The following CACNG4 variants were observed in gnomAD, a reference collection of about 807,000 sequenced individuals.
CACNG4 encodes voltage-dependent calcium channel gamma-4 subunit.
In CACNG4, 8 loss-of-function variants were observed where a neutral mutation model predicts 22.9. The ratio of observed to expected loss-of-function variants is 0.35; its 90% confidence interval spans 0.21 to 0.63. The LOEUF (loss-of-function observed/expected upper bound fraction) is 0.63, where lower values mean the gene tolerates loss of function less well. Ranked by LOEUF, CACNG4 falls within the 30% of genes least tolerant of loss-of-function variation. CACNG4 has a pLI of 0.72. For missense variants in CACNG4, 357 were observed against 455.4 expected, an observed-to-expected ratio of 0.78 and a Z score of 1.97; for synonymous variants, 188 against 191.9, an observed-to-expected ratio of 0.98 and a Z score of 0.17.
In CACNG4 at chr17:67,011,738, T is replaced by C. The variant is rs558472685; in HGVS notation, c.221-6451T>C. On this transcript the variant is annotated intron_variant, in intron 1 of 3. Transcript: ENST00000262138. The stretch of plus-strand genomic sequence containing the variant: ...ACGGTGAAAGTCTGTTGAGAATGAA[T>C]GAGTGATGCATGAGTGAACAGGAAA... 2.6e-5 allele frequency among the ~76,000 whole-genome samples: 4 copies of C among 152,334 alleles called. No homozygotes were observed. In the East Asian group the frequency reaches 7.7e-4, roughly 29 times the overall value.
chr17:67,020,639 G>A (rs1340186736), intron 2 of CACNG4, among the ~76,000 whole-genome samples: 3 of 152,232 alleles, frequency 2.0e-5, no homozygotes, highest in Admixed American at 6.5e-5. Flanking sequence ...CTCTGCATGT[G>A]TCTTTGATCA....
chr17:67,008,396 T>A (rs1161428401), intron 1 of CACNG4, among the ~76,000 whole-genome samples: 1 of 152,092 alleles, frequency 6.6e-6, no homozygotes, highest in African/African-American at 2.4e-5. Flanking sequence ...TCTTTGGCAC[T>A]CGGTGTGGAA....
chr17:67,026,009 C>G (rs762497278), intron 3 of CACNG4, among the ~76,000 whole-genome samples: 64 of 152,242 alleles, frequency 4.2e-4, no homozygotes, highest in Non-Finnish European at 5.7e-4. Flanking sequence ...GTACATGTGT[C>G]AGGAGTGTGG....
chr17:67,031,772 G>A lies in CACNG4; in HGVS notation c.*768G>A, dbSNP rs2035608480. 2.2e-6 allele frequency: 1 copy of A among 456,646 alleles called. No individual in the cohort carries two copies. The highest frequency in any genetic ancestry group is 2.0e-5 in the African/African-American group (1 of 50,090). The allele number at this position is 456,646 out of a possible 1,614,324, so 28.3% of individuals were successfully genotyped here. On this transcript the variant is annotated 3_prime_UTR_variant, in exon 4 of 4. Transcript: ENST00000262138. This position sits in a 1 kb window ranked among gnomAD's most constrained non-coding sequence, Gnocchi z 4.0. ...ACAGACCCACTGACTGGACTTCAGA[G>A]TCTGGAGGGTTCCATCGGTCAGGGG...
chr17:66,997,383 G>A (rs984078268), intron 1 of CACNG4, among the ~76,000 whole-genome samples: 2 of 152,278 alleles, frequency 1.3e-5, no homozygotes, highest in Middle Eastern at 3.4e-3. Flanking sequence ...AAGGCAATGA[G>A]AGTAGATGGA....
At chr17:66,999,152 C>T (rs893030356) in intron 1 of CACNG4, among the ~76,000 whole-genome samples, 1 of 152,146 alleles carries the variant, frequency 6.6e-6, no homozygotes, top group Non-Finnish European at 1.5e-5. Context: ...GAGTGGCTGA[C>T]AATGGCAGCA....
intron 1 of CACNG4, among the ~76,000 whole-genome samples, chr17:66,980,452 C>T (rs528351139): frequency 6.6e-6 from 1 of 152,132 alleles, no homozygotes; most frequent in African/African-American, 2.4e-5. Context: ...TATGTGACTC[C>T]GATGAGGTTT....
At chr17:67,018,474 C>T (rs778773598) in intron 2 of CACNG4, among the ~76,000 whole-genome samples, 79 of 152,248 alleles carry the variant, frequency 5.2e-4, no homozygotes, top group Non-Finnish European at 9.6e-4. Context: ...TATCTCAATG[C>T]GGTTATTTGG....
intron 3 of CACNG4, among the ~76,000 whole-genome samples, chr17:67,026,912 T>G (rs998649319): frequency 2.8e-5 from 4 of 142,670 alleles, no homozygotes; most frequent in African/African-American, 1.0e-4. Flanking sequence ...TTTCTCTCTC[T>G]CCTGCCCCAG....
chr17:66,965,189 T>A (rs56193061), intron 1 of CACNG4, 58 bp downstream of exon 1: 2 of 952,410 alleles, frequency 2.1e-6, no homozygotes, highest in Non-Finnish European at 3.0e-6. Flanking sequence ...CACACACATA[T>A]ACACACGCGC....
intron 2 of CACNG4, among the ~76,000 whole-genome samples, chr17:67,022,653 G>C (rs545226896): frequency 6.6e-6 from 1 of 152,256 alleles, no homozygotes; most frequent in Non-Finnish European, 1.5e-5. Context: ...CCTGAAACCC[G>C]CTCAGCTGGC....
intron 1 of CACNG4, among the ~76,000 whole-genome samples, chr17:67,008,964 AGGCCTTT>A (rs1238529337): frequency 6.6e-6 from 1 of 152,128 alleles, no homozygotes; most frequent in African/African-American, 2.4e-5. Context: ...GAAAAAAATG[AGGCCTTT>A]AGAGTGGGGC....
intron 1 of CACNG4, among the ~76,000 whole-genome samples, chr17:67,012,311 T>C (rs561088784): frequency 1.2e-4 from 18 of 152,332 alleles, no homozygotes; most frequent in East Asian, 3.9e-4. Flanking sequence ...TCTCTAAGCC[T>C]CTTTCTCCAT....
At chr17:67,001,073 T>C (rs561746219) in intron 1 of CACNG4, among the ~76,000 whole-genome samples, 3 of 152,106 alleles carry the variant, frequency 2.0e-5, no homozygotes, top group South Asian at 2.1e-4. Context: ...GGGTTATTCC[T>C]GTTCTGGTCT....
intron 1 of CACNG4, among the ~76,000 whole-genome samples, chr17:66,966,388 G>A (rs1032996764): frequency 1.3e-5 from 2 of 152,056 alleles, no homozygotes; most frequent in Non-Finnish European, 2.9e-5. Context: ...CTTTCCCCGC[G>A]TGTTAACTCC....
rs371559096 is a variant in CACNG4, at chr17:67,023,207, C to T, written c.305-1653C>T. 2.5e-4 allele frequency among the ~76,000 whole-genome samples: 38 copies of T among 151,074 alleles called. No homozygotes were observed. The South Asian group carries it at 4.2e-3, about 17-fold the overall frequency. On this transcript the variant is annotated intron_variant, in intron 2 of 3. Coordinates refer to ENST00000262138, the MANE Select transcript of CACNG4 (RefSeq NM_014405.4). ...GCTCGTCGTTGGATCTAGGGCCCACCGGATTCATCCTGGATGATCTCAGCT... is the reference window on the plus strand; with the variant it reads ...GCTCGTCGTTGGATCTAGGGCCCACTGGATTCATCCTGGATGATCTCAGCT...
At chr17:66,977,846 C>A (rs1373260394) in intron 1 of CACNG4, among the ~76,000 whole-genome samples, 4 of 152,156 alleles carry the variant, frequency 2.6e-5, no homozygotes, top group Non-Finnish European at 4.4e-5. Flanking sequence ...CACAGAAAGC[C>A]CCCAGGGTAT....
At chr17:66,998,413 G>T (rs1182656736) in intron 1 of CACNG4, among the ~76,000 whole-genome samples, 1 of 151,972 alleles carries the variant, frequency 6.6e-6, no homozygotes, top group African/African-American at 2.4e-5. Flanking sequence ...TGTAGAGATG[G>T]GGTCTCACTC....
chr17:66,969,526 C>T (rs902296582), intron 1 of CACNG4, among the ~76,000 whole-genome samples: 1 of 152,062 alleles, frequency 6.6e-6, no homozygotes, highest in Non-Finnish European at 1.5e-5. Context: ...AGTTCTTTGC[C>T]CCAGTCATGT....
Sources: gnomAD v4.1 joint callset for allele counts (sites outside exome capture counted in the v4.1 genomes callset) on GRCh38, gnomAD v4.1.1 for gene constraint, Gnocchi (gnomAD v3.1) non-coding constraint, MANE v1.5 for transcripts, NCBI Gene and HGNC (gene_info 2026-07-23, HGNC 2026-07-21) for gene names.